ADAMTS17: variants seen among roughly 807,000 people sequenced by gnomAD.
The protein encoded by ADAMTS17 is ADAM metallopeptidase with thrombospondin type 1 motif 17, also known as A disintegrin and metalloproteinase with thrombospondin motifs 17.
A neutral mutation model predicts 141.5 loss-of-function variants in ADAMTS17; 113 were observed. That is an observed-to-expected ratio of 0.80 (90% CI 0.69 to 0.93). The LOEUF is 0.93. Ranked by LOEUF, ADAMTS17 falls within the 40% of genes least tolerant of loss-of-function variation. The probability of loss-of-function intolerance (pLI) is 0.00; values close to 1 mark genes in which losing one functional copy is unlikely to be tolerated. For missense variants in ADAMTS17, 1,659 were observed against 1,517.9 expected (o/e 1.09, Z -1.54); for synonymous variants, 768 against 630.6 (o/e 1.22, Z -3.27).
rs1349420691 is a variant in ADAMTS17, at chr15:100,289,535, CACAT to C, written c.617-8138_617-8135del. Among the ~76,000 whole-genome samples the C allele has an allele frequency of 3.6e-4, 48 of 134,234 alleles. 2 individuals are homozygous for C. The allele number at this position is 134,234 out of a possible 152,430, so 88.1% of individuals were successfully genotyped here. A position where few individuals can be genotyped will look rare whatever the true frequency, so the allele number is the denominator to read the frequency against. ...AAAACCTTGCAGACACACACATACA[CACAT>C]ACACACACTCACACACACACACACA... On this transcript the variant is annotated intron_variant, in intron 3 of 21. Transcript: ENST00000268070.
intron 12 of ADAMTS17, among the ~76,000 whole-genome samples, chr15:100,127,563 G>A (rs7170381): frequency 0.93 from 141,625 of 152,292 alleles, 65,986 homozygotes; most frequent in Non-Finnish European, 0.95. Flanking sequence ...AAACTTCAAT[G>A]TGATTCTATT....
intron 8 of ADAMTS17, among the ~76,000 whole-genome samples, chr15:100,186,383 T>C (rs1285826252): frequency 6.6e-6 from 1 of 152,184 alleles, no homozygotes; most frequent in Non-Finnish European, 1.5e-5. Context: ...ATACTACTAC[T>C]ATTATAGGAT....
At chr15:100,204,023 C>T (rs2041440216) in intron 7 of ADAMTS17, among the ~76,000 whole-genome samples, 1 of 152,198 alleles carries the variant, frequency 6.6e-6, no homozygotes, top group Admixed American at 6.5e-5. Flanking sequence ...GCCAGCACAA[C>T]ACAGGTGCTC....
At chr15:100,175,775 C>T (rs578006354) in intron 8 of ADAMTS17, among the ~76,000 whole-genome samples, 3 of 151,942 alleles carry the variant, frequency 2.0e-5, no homozygotes, top group East Asian at 3.9e-4. Context: ...TCTGTGTGAA[C>T]GGTGCCCCCG....
intron 7 of ADAMTS17, among the ~76,000 whole-genome samples, chr15:100,203,383 G>A (rs1441992008): frequency 1.3e-5 from 2 of 152,160 alleles, no homozygotes; most frequent in African/African-American, 4.8e-5. Context: ...GACCAGCCTG[G>A]CCAACATGGT....
chr15:100,270,369 T>G (rs555979358), intron 4 of ADAMTS17, among the ~76,000 whole-genome samples: 1 of 152,320 alleles, frequency 6.6e-6, no homozygotes, highest in South Asian at 2.1e-4. Context: ...GCAGCCTACC[T>G]CAGGGGCTGT....
intron 7 of ADAMTS17, among the ~76,000 whole-genome samples, chr15:100,207,921 T>C (rs929057194): frequency 2.0e-5 from 3 of 152,190 alleles, no homozygotes; most frequent in Non-Finnish European, 2.9e-5. Flanking sequence ...CTAGGAGATG[T>C]TCTAAAAACA....
chr15:100,145,697 T>C (rs2038869170), intron 10 of ADAMTS17, among the ~76,000 whole-genome samples: 2 of 152,228 alleles, frequency 1.3e-5, no homozygotes. Flanking sequence ...AAATGGTTAA[T>C]ATGCATTTAT....
chr15:100,286,096 C>A (rs2044437073), intron 3 of ADAMTS17, among the ~76,000 whole-genome samples: 1 of 152,152 alleles, frequency 6.6e-6, no homozygotes, highest in Non-Finnish European at 1.5e-5. Context: ...AGCAGACCAG[C>A]CTCCACCGAC....
At chr15:100,316,995 G>A (rs1162837872) in intron 3 of ADAMTS17, among the ~76,000 whole-genome samples, 1 of 152,126 alleles carries the variant, frequency 6.6e-6, no homozygotes, top group African/African-American at 2.4e-5. Flanking sequence ...CAGCCTCCGG[G>A]GAATAATAAC....
Position 100,301,674 on chromosome 15 carries a change from G to C in ADAMTS17, c.617-20273C>G, listed in dbSNP as rs1044851894. ...TTAGGCTTATCATCTTTAGTAATTG[G>C]GTAGGCTATTCTACTAGTAAATTAT... On this transcript the variant is annotated intron_variant, in intron 3 of 21. Coordinates refer to ENST00000268070, the MANE Select transcript of ADAMTS17 (RefSeq NM_139057.4). Among the ~76,000 whole-genome samples, 12 of 151,920 alleles carry C rather than the reference G, an allele frequency of 7.9e-5. No individual in the cohort carries two copies. The East Asian group carries it at 2.3e-3, about 29-fold the overall frequency.
intron 7 of ADAMTS17, among the ~76,000 whole-genome samples, chr15:100,222,456 G>C (rs1314743207): frequency 6.6e-6 from 1 of 152,196 alleles, no homozygotes; most frequent in East Asian, 1.9e-4. Context: ...AGCCCTGCCT[G>C]GAATGAGGCA....
chr15:100,199,802 C>T (rs530521013), intron 7 of ADAMTS17, among the ~76,000 whole-genome samples: 5 of 152,298 alleles, frequency 3.3e-5, no homozygotes, highest in East Asian at 3.9e-4. Context: ...CTAACTTCAG[C>T]GCCTAGGGCT....
At chr15:100,132,548 C>T (rs570539270) in intron 11 of ADAMTS17, among the ~76,000 whole-genome samples, 5 of 152,314 alleles carry the variant, frequency 3.3e-5, no homozygotes, top group South Asian at 4.1e-4. Context: ...TGCTGCTTGG[C>T]GATGGCACAG....
chr15:99,986,216 T>C (rs1240710313), intron 20 of ADAMTS17, among the ~76,000 whole-genome samples: 2 of 152,334 alleles, frequency 1.3e-5, no homozygotes, highest in South Asian at 2.1e-4. Context: ...TGTGTCCACA[T>C]TGAAAACTGT....
intron 18 of ADAMTS17, among the ~76,000 whole-genome samples, chr15:100,010,205 C>T (rs2061135221): frequency 6.6e-6 from 1 of 152,204 alleles, no homozygotes; most frequent in Admixed American, 6.5e-5. Flanking sequence ...AACCTCTTTC[C>T]TTTATAAATT....
chr15:100,110,208 T>C (rs1052748740), intron 13 of ADAMTS17, among the ~76,000 whole-genome samples: 23 of 141,360 alleles, frequency 1.6e-4, no homozygotes, highest in Non-Finnish European at 3.0e-4. Context: ...TATATATCAG[T>C]ATATATATAT....
At chr15:100,119,531 T>G (rs537686431) in intron 12 of ADAMTS17, among the ~76,000 whole-genome samples, 12 of 152,340 alleles carry the variant, frequency 7.9e-5, no homozygotes, top group Non-Finnish European at 1.6e-4. Context: ...CTTTTACGCT[T>G]CAGTTTCCTC....
At chr15:100,127,218 G>A (rs1205009494) in intron 12 of ADAMTS17, among the ~76,000 whole-genome samples, 2 of 152,136 alleles carry the variant, frequency 1.3e-5, no homozygotes, top group Non-Finnish European at 2.9e-5. Context: ...TTTGGCAAAA[G>A]GGCCTTGGCA....
Sources: gnomAD v4.1 joint callset for allele counts (sites outside exome capture counted in the v4.1 genomes callset) on GRCh38, gnomAD v4.1.1 for gene constraint, MANE v1.5 for transcripts, NCBI Gene and HGNC (gene_info 2026-07-23, HGNC 2026-07-21) for gene names.